CNTN3: variants seen among roughly 807,000 people sequenced by gnomAD.
The protein encoded by CNTN3 is contactin-3.
Under a neutral mutation model 119.1 loss-of-function variants are expected in CNTN3, and 60 were observed. The observed-to-expected ratio is 0.50, with a 90% CI of 0.41 to 0.62. CNTN3 has a LOEUF of 0.62. Among genes scored for constraint, CNTN3 ranks in the 20% least tolerant of loss-of-function variants. The probability of loss-of-function intolerance (pLI) is 0.00; values close to 1 mark genes in which losing one functional copy is unlikely to be tolerated. For synonymous variants in CNTN3, 450 were observed against 438.7 expected (o/e 1.03, Z -0.32); for missense variants, 1,101 against 1,242.4 (o/e 0.89, Z 1.71).
At chr3:74,516,526 A>C (rs773555228) in intron 2 of CNTN3, among the ~76,000 whole-genome samples, 12 of 150,860 alleles carry the variant, frequency 8.0e-5, no homozygotes, top group Non-Finnish European at 1.5e-4. Flanking sequence ...TAACATACCA[A>C]ATATGTGTTA....
At chr3:74,282,739 A>G (rs1420188801) in intron 20 of CNTN3, among the ~76,000 whole-genome samples, 2 of 152,348 alleles carry the variant, frequency 1.3e-5, no homozygotes, top group East Asian at 3.9e-4. Flanking sequence ...AAGACTATTT[A>G]GAGCTACCAG....
intron 1 of CNTN3, among the ~76,000 whole-genome samples, chr3:74,596,936 G>T (rs542939801): frequency 6.6e-6 from 1 of 152,194 alleles, no homozygotes; most frequent in African/African-American, 2.4e-5. Context: ...CGACCTGGGA[G>T]TAATCCCGTT....
At position 74,285,816 on chromosome 3, in the gene CNTN3, T is replaced by C. The variant is rs1048137986; in HGVS notation, c.2518-325A>G. ...ATATATATATATATATATATATATA[T>C]ATATATATATATATATATATATAAA... On this transcript the variant is annotated intron_variant, in intron 19 of 22. Coordinates refer to ENST00000263665, the MANE Select transcript of CNTN3 (RefSeq NM_020872.3). Among the ~76,000 whole-genome samples, 6 of 118,512 alleles carry C rather than the reference T, an allele frequency of 5.1e-5. 1 individual carries two copies. The South Asian group carries it at 9.8e-4, about 19-fold the overall frequency. The allele number at this position is 118,512 out of a possible 152,430, so 77.7% of individuals were successfully genotyped here.
chr3:74,573,209 A>G (rs1173376415), intron 1 of CNTN3, among the ~76,000 whole-genome samples: 3 of 151,926 alleles, frequency 2.0e-5, no homozygotes, highest in African/African-American at 7.3e-5. Flanking sequence ...GATCTAGGAC[A>G]CCCCAGGCCT....
At chr3:74,521,025 C>G (rs1703534305) in intron 2 of CNTN3, 33 bp downstream of exon 2, 1 of 1,422,080 alleles carries the variant, frequency 7.0e-7, no homozygotes. Context: ...ATACTTCTAA[C>G]CTCAACTTAG....
Position 74,301,480 on chromosome 3 carries a change from A to T in CNTN3, c.2013T>A (p.Tyr671Ter), listed in dbSNP as rs977302012. The T allele has an allele frequency of 1.9e-6, 3 of 1,614,128 alleles. No individual in the cohort carries two copies. Among genetic ancestry groups the T allele is most frequent in the Non-Finnish European group, 2.5e-6 (3 of 1,180,002 alleles). Residue 671 changes from tyrosine to a stop codon, truncating the protein, a stop_gained, in exon 16 of 23, where the codon TAT becomes TAA. Transcript: ENST00000263665. LOFTEE classifies it high-confidence loss of function. ...TGTTACTGGCTACAACCCGAAATTC[A>T]TATTCCACCCATGGGTTTAACTCAA... Reference protein sequence around the residue: ...TVVELNPWVEYEFRVVASNKI... With the variant: ...TVVELNPWVE
chr3:74,350,260 C>T (rs1246005122), intron 11 of CNTN3, among the ~76,000 whole-genome samples: 2 of 152,058 alleles, frequency 1.3e-5, no homozygotes, highest in Non-Finnish European at 2.9e-5. Flanking sequence ...ATCTGAGCAA[C>T]ATGATGGAAA....
At position 74,306,160 on chromosome 3, in the gene CNTN3, A is replaced by G. The variant is rs567829932; in HGVS notation, c.1669-3353T>C. ...TCCCCCATCAATTTGTCATTGTTAG[A>G]GAATATAGTTAGTCATGAATTAAAT... On this transcript the variant is annotated intron_variant, in intron 13 of 22. Coordinates refer to ENST00000263665, the MANE Select transcript of CNTN3 (RefSeq NM_020872.3). 2.9e-3 allele frequency among the ~76,000 whole-genome samples: 441 copies of G among 150,554 alleles called. 5 individuals carry two copies. The highest frequency in any genetic ancestry group is 0.01 in the African/African-American group (423 of 41,076).
chr3:74,332,072 T>G (rs1465218755), intron 13 of CNTN3, among the ~76,000 whole-genome samples: 1 of 152,234 alleles, frequency 6.6e-6, no homozygotes, highest in Non-Finnish European at 1.5e-5. Context: ...TTTTAAAACA[T>G]AGTTCTTACT....
At position 74,609,205 on chromosome 3, in the gene CNTN3, C is replaced by T. The variant is rs568067476; in HGVS notation, c.-81+5186G>A. ...TATCAGGGGAGAATTAGGGAGAAGT[C>T]ACATACAGACAGGCTGCATCAGTAG... On this transcript the variant is annotated intron_variant, in intron 1 of 22. Coordinates refer to ENST00000263665, the MANE Select transcript of CNTN3 (RefSeq NM_020872.3). Among the ~76,000 whole-genome samples the T allele has an allele frequency of 7.7e-4, 117 of 152,264 alleles. 4 individuals are homozygous for T. The South Asian group carries it at 0.024, about 31-fold the overall frequency.
At chr3:74,389,913 C>T (rs553726593) in intron 5 of CNTN3, among the ~76,000 whole-genome samples, 1 of 152,284 alleles carries the variant, frequency 6.6e-6, no homozygotes, top group Admixed American at 6.5e-5. Context: ...CCTTCTTACT[C>T]TCTCTGAAAT....
intron 5 of CNTN3, among the ~76,000 whole-genome samples, chr3:74,391,553 G>GTTTTTTTTTTTTT (rs1327675724): frequency 8.6e-6 from 1 of 115,966 alleles, no homozygotes; most frequent in African/African-American, 3.5e-5. Flanking sequence ...TACTCCCATA[G>GTTTTTTTTTTTTT]TTTCTTTTTT....
At chr3:74,330,746 G>A (rs1004028016) in intron 13 of CNTN3, among the ~76,000 whole-genome samples, 1 of 152,200 alleles carries the variant, frequency 6.6e-6, no homozygotes, top group East Asian at 1.9e-4. Flanking sequence ...GAGACATGCT[G>A]TGGAGGCACA....
At chr3:74,456,887 G>A (rs1169985807) in intron 4 of CNTN3, among the ~76,000 whole-genome samples, 1 of 151,850 alleles carries the variant, frequency 6.6e-6, no homozygotes, top group East Asian at 1.9e-4. Flanking sequence ...TACACTCAAA[G>A]GCAAAATAAA....
intron 20 of CNTN3, 68 bp downstream of exon 20, chr3:74,285,237 T>TA: frequency 6.9e-7 from 1 of 1,453,918 alleles, no homozygotes; most frequent in South Asian, 1.3e-5. Flanking sequence ...TTTCAAATAA[T>TA]AGAGAAGGCT....
intron 4 of CNTN3, among the ~76,000 whole-genome samples, chr3:74,450,079 G>T (rs549386749): frequency 2.3e-4 from 35 of 152,152 alleles, no homozygotes; most frequent in African/African-American, 7.9e-4. Context: ...ATTGTCCTTT[G>T]CTGGGAGGCT....
Position 74,263,657 on chromosome 3 carries a change from T to C in CNTN3, c.*744A>G, listed in dbSNP as rs1701617395. The C allele has an allele frequency of 6.6e-6, 1 of 152,116 alleles. No individual in the cohort carries two copies. The highest frequency in any genetic ancestry group is 2.4e-5 in the African/African-American group (1 of 41,454). 9.4% of individuals were successfully genotyped at this position (152,116 alleles called of 1,614,324 possible). A position where few individuals can be genotyped will look rare whatever the true frequency, so the allele number is the denominator to read the frequency against. ...ATGTGATTAAATAAATTCATGCTAA[T>C]ATTTTGCATGGGTCAATTGCATTTG... On this transcript the variant is annotated 3_prime_UTR_variant, in exon 23 of 23. Coordinates refer to ENST00000263665, the MANE Select transcript of CNTN3 (RefSeq NM_020872.3).
intron 5 of CNTN3, among the ~76,000 whole-genome samples, chr3:74,374,589 A>G (rs1704429833): frequency 6.6e-6 from 1 of 152,050 alleles, no homozygotes; most frequent in South Asian, 2.1e-4. Flanking sequence ...CCTGCCCTGC[A>G]GACAAGTGAA....
intron 3 of CNTN3, among the ~76,000 whole-genome samples, chr3:74,498,822 A>C (rs1369182665): frequency 6.6e-6 from 1 of 151,904 alleles, no homozygotes; most frequent in Non-Finnish European, 1.5e-5. Context: ...TTCACATTGC[A>C]TGAAAGAGCG....
Sources: allele counts gnomAD v4.1 joint callset (sites outside exome capture counted in the v4.1 genomes callset), GRCh38; gene constraint gnomAD v4.1.1; transcripts MANE v1.5; gene names NCBI Gene and HGNC (gene_info 2026-07-23, HGNC 2026-07-21).